The following SLC1A2 variants were observed in gnomAD, a reference collection of about 807,000 sequenced individuals.
The protein encoded by SLC1A2 is excitatory amino acid transporter 2.
In SLC1A2, 15 loss-of-function variants were observed where a neutral mutation model predicts 48.8. That is an observed-to-expected ratio of 0.31 (90% CI 0.21 to 0.47). The LOEUF is 0.47. SLC1A2 is among the 20% of genes least tolerant of loss of function. The probability of loss-of-function intolerance (pLI) is 0.99; values close to 1 mark genes in which losing one functional copy is unlikely to be tolerated. For synonymous variants in SLC1A2, 279 were observed against 272.6 expected (o/e 1.02, Z -0.23); for missense variants, 502 against 730.5 (o/e 0.69, Z 3.61).
intron 8 of SLC1A2, among the ~76,000 whole-genome samples, chr11:35,284,034 A>G (rs1850726113): frequency 8.0e-6 from 1 of 125,406 alleles, no homozygotes; most frequent in South Asian, 2.3e-4. Context: ...GCAGATGAGG[A>G]AACTGAGGCT....
chr11:35,416,926 G>A (rs924670626), intron 1 of SLC1A2, among the ~76,000 whole-genome samples: 1 of 152,186 alleles, frequency 6.6e-6, no homozygotes, highest in African/African-American at 2.4e-5. Context: ...GACTATTTCT[G>A]TATCCCCCCA....
chr11:35,261,686 C>T (rs1393946213), intron 10 of SLC1A2: 3 of 398,424 alleles, frequency 7.5e-6, no homozygotes, highest in Admixed American at 4.4e-5. Flanking sequence ...TCTGTCTGTC[C>T]TCAACGTCAT....
chr11:35,269,729 A>T (rs1035083682), intron 9 of SLC1A2, among the ~76,000 whole-genome samples: 6 of 152,176 alleles, frequency 3.9e-5, no homozygotes, highest in Admixed American at 3.9e-4. Flanking sequence ...CTTCCATGCC[A>T]TCAAATCTCC....
At chr11:35,337,822 T>C (rs1362625428) in intron 1 of SLC1A2, among the ~76,000 whole-genome samples, 1 of 152,154 alleles carries the variant, frequency 6.6e-6, no homozygotes, top group Non-Finnish European at 1.5e-5. Context: ...TATGAGTATG[T>C]GGAGGGGAAG....
chr11:35,260,447 AATCTCTTGTGCATAACAAGGCG>A lies in SLC1A2; in HGVS notation c.*425_*446del, dbSNP rs1321112953. 5.7e-5 allele frequency: 9 copies of A among 158,550 alleles called. No homozygotes were observed. In the South Asian group the frequency reaches 1.4e-3, roughly 25 times the overall value. 9.8% of individuals were successfully genotyped at this position (158,550 alleles called of 1,614,324 possible). A position where few individuals can be genotyped will look rare whatever the true frequency, so the allele number is the denominator to read the frequency against. On this transcript the variant is annotated 3_prime_UTR_variant, in exon 11 of 11. Coordinates refer to ENST00000278379, the MANE Select transcript of SLC1A2 (RefSeq NM_004171.4). The stretch of plus-strand genomic sequence containing the variant: ...AGTTACTTCTAGAGGCTTTTAATAG[AATCTCTTGTGCATAACAAGGCG>A]AGACATGGAGAACACTTTAAGGAAT...
intron 8 of SLC1A2, among the ~76,000 whole-genome samples, chr11:35,284,087 T>TCATATATATATATATATATATATATA (rs1850729531): frequency 8.6e-6 from 1 of 115,900 alleles, no homozygotes; most frequent in Admixed American, 9.7e-5. Context: ...GAAGATTTTA[T>TCATATATATATATATATATATATATA]TATATATATA....
chr11:35,323,890 T>C (rs1279173841), intron 1 of SLC1A2, among the ~76,000 whole-genome samples: 1 of 152,196 alleles, frequency 6.6e-6, no homozygotes, highest in Non-Finnish European at 1.5e-5. Context: ...TAATTCCTCA[T>C]CCATCCTTCA....
chr11:35,415,756 C>T (rs918784744), intron 1 of SLC1A2, among the ~76,000 whole-genome samples: 5 of 74,630 alleles, frequency 6.7e-5, no homozygotes, highest in Non-Finnish European at 9.4e-5. Context: ...GGCTGGCTTT[C>T]CCCTGACCCT....
rs1186683726 is a variant in SLC1A2, at chr11:35,260,402, T to G, written c.*492A>C. 6.4e-6 allele frequency: 1 copy of G among 155,444 alleles called. No individual in the cohort carries two copies. Among genetic ancestry groups the G allele is most frequent in the Non-Finnish European group, 1.4e-5 (1 of 70,026 alleles). 9.6% of individuals were successfully genotyped at this position (155,444 alleles called of 1,614,324 possible). A position where few individuals can be genotyped will look rare whatever the true frequency, so the allele number is the denominator to read the frequency against. ...CTTTTAATCAATCCATGTGCAAGCT[T>G]TACTAGACATTTTAAGGGGAGTTAC... On this transcript the variant is annotated 3_prime_UTR_variant, in exon 11 of 11. Coordinates refer to ENST00000278379, the MANE Select transcript of SLC1A2 (RefSeq NM_004171.4).
Position 35,254,570 on chromosome 11 carries a change from C to A in SLC1A2, c.*6324G>T. Reference sequence around the variant, plus strand: ...TGTTTCCAGGCAGGCAAAATGGTTGCCATGAGAAGAAACAGTGCCCCAGAA... The same window carrying A: ...TGTTTCCAGGCAGGCAAAATGGTTGACATGAGAAGAAACAGTGCCCCAGAA... On this transcript the variant is annotated 3_prime_UTR_variant, in exon 11 of 11. Transcript: ENST00000278379. The A allele has an allele frequency of 3.4e-6, 1 of 297,432 alleles. No individual in the cohort carries two copies. Among genetic ancestry groups the A allele is most frequent in the South Asian group, 2.9e-5 (1 of 34,810 alleles). The allele number at this position is 297,432 out of a possible 1,614,324, so 18.4% of individuals were successfully genotyped here.
intron 1 of SLC1A2, among the ~76,000 whole-genome samples, chr11:35,346,288 G>A (rs1224848199): frequency 1.3e-5 from 2 of 152,144 alleles, no homozygotes; most frequent in African/African-American, 4.8e-5. Flanking sequence ...TGCTGTTCTG[G>A]GGTCAAGCAT....
At chr11:35,307,727 C>T (rs141763400) in intron 4 of SLC1A2, among the ~76,000 whole-genome samples, 306 of 152,332 alleles carry the variant, frequency 2.0e-3, no homozygotes, top group Non-Finnish European at 3.6e-3. Flanking sequence ...ACAGTCTGTG[C>T]TGTATGTTAA....
intron 1 of SLC1A2, among the ~76,000 whole-genome samples, chr11:35,372,702 T>C (rs911451492): frequency 6.6e-6 from 1 of 152,186 alleles, no homozygotes; most frequent in African/African-American, 2.4e-5. Context: ...ATAGCACTTA[T>C]AGACAATAAT....
At chr11:35,268,141 ACTT>A (rs1272444921) in intron 9 of SLC1A2, among the ~76,000 whole-genome samples, 1 of 152,174 alleles carries the variant, frequency 6.6e-6, no homozygotes, top group Non-Finnish European at 1.5e-5. Flanking sequence ...GGAAAAATAA[ACTT>A]CTAAATTGAT....
At chr11:35,269,343 C>A (rs181434092) in intron 9 of SLC1A2, among the ~76,000 whole-genome samples, 76 of 152,282 alleles carry the variant, frequency 5.0e-4, no homozygotes, top group African/African-American at 1.6e-3. Flanking sequence ...GACTAAGACA[C>A]TTTCTCAACC....
In SLC1A2 at chr11:35,292,028, T is replaced by C. The variant is rs544172330; in HGVS notation, c.1091+259A>G. 4.3e-5 allele frequency: 19 copies of C among 441,326 alleles called. No homozygotes were observed. The South Asian group carries it at 6.4e-4, about 15-fold the overall frequency. The allele number at this position is 441,326 out of a possible 1,614,324, so 27.3% of individuals were successfully genotyped here. On this transcript the variant is annotated intron_variant, in intron 7 of 10. Coordinates refer to ENST00000278379, the MANE Select transcript of SLC1A2 (RefSeq NM_004171.4). The stretch of plus-strand genomic sequence containing the variant: ...GTGGCAAATTAGGCATGCAAACAAA[T>C]AGCATGCATTTATCTGAAAAATTTA...
chr11:35,337,024 A>C lies in SLC1A2; in HGVS notation c.18-19508T>G, dbSNP rs151025886. On this transcript the variant is annotated intron_variant, in intron 1 of 10. Coordinates refer to ENST00000278379, the MANE Select transcript of SLC1A2 (RefSeq NM_004171.4). ...GCATTGATTTATGTAAATGACCCTG[A>C]GTGATGAAAGTTGGAAATAAATTTG... Among the ~76,000 whole-genome samples the C allele has an allele frequency of 2.9e-3, 443 of 152,248 alleles. 3 individuals carry two copies. Among genetic ancestry groups the C allele is most frequent in the African/African-American group, 0.01 (424 of 41,544 alleles).
chr11:35,374,242 C>T, intron 1 of SLC1A2: 1 of 791,684 alleles, frequency 1.3e-6, no homozygotes, highest in Non-Finnish European at 2.0e-6. Context: ...GCTAAGACTC[C>T]AAGACACTCC....
intron 9 of SLC1A2, among the ~76,000 whole-genome samples, chr11:35,275,736 T>C (rs113128406): frequency 0.025 from 3,877 of 152,268 alleles, 165 homozygotes; most frequent in African/African-American, 0.088. Flanking sequence ...AATTGAAAAA[T>C]TGCTAGAGTT....
Sources: gnomAD v4.1 joint callset for allele counts (sites outside exome capture counted in the v4.1 genomes callset) on GRCh38, gnomAD v4.1.1 for gene constraint, MANE v1.5 for transcripts, NCBI Gene and HGNC (gene_info 2026-07-23, HGNC 2026-07-21) for gene names.